Variants in SUN2 observed in about 807,000 individuals in gnomAD.
The protein encoded by SUN2 is SUN domain-containing protein 2.
Under a neutral mutation model 100.0 loss-of-function variants are expected in SUN2, and 60 were observed. The ratio of observed to expected loss-of-function variants is 0.60; its 90% CI spans 0.49 to 0.74. The LOEUF (loss-of-function observed/expected upper bound fraction) is 0.74. SUN2 is among the 30% of genes least tolerant of loss of function. The pLI, the probability that SUN2 is intolerant of heterozygous loss-of-function variation, is 0.00. For synonymous variants in SUN2, 367 were observed against 403.3 expected, an observed-to-expected ratio of 0.91 and a Z score of 1.08; for missense variants, 834 against 954.6, an observed-to-expected ratio of 0.87 and a Z score of 1.66.
intron 8 of SUN2, 141 bp downstream of exon 8, chr22:38,745,543 T>G: frequency 8.8e-7 from 1 of 1,130,252 alleles, no homozygotes; most frequent in Non-Finnish European, 1.3e-6. Context: ...CTTTCTGTTT[T>G]CTGTGCCTTG....
rs759274009 is a variant in SUN2, at chr22:38,742,498, C to G, written c.871G>C (p.Ala291Pro). The change falls in exon 9 of 18, where the codon GCT becomes CCT. Residue 291 changes from alanine to proline, a missense_variant. Ala to Pro is a conservative substitution (Grantham distance 27, BLOSUM62 -1). Around this residue, in one of 3 missense-constraint regions of SUN2, gnomAD observed 559 missense variants for 597.7 expected, o/e 0.94. Transcript: ENST00000689035. ...TGCCAGTTGGAGGAAAATTCAGCAG[C>G]AAGAGCTTCCAGACGCCGCTCCAGA... ...HSLERRLEAL[A>P]AEFSSNWQKE... 1.2e-6 allele frequency: 2 copies of G among 1,613,564 alleles called. No homozygotes were observed. The highest frequency in any genetic ancestry group is 1.3e-5 in the African/African-American group (1 of 75,064).
chr22:38,754,585 T>G (rs1246711474), intron 1 of SUN2: 3 of 1,084,382 alleles, frequency 2.8e-6, no homozygotes, highest in Non-Finnish European at 3.7e-6. Context: ...TCTCTATTCC[T>G]GTCCTTATAA....
intron 4 of SUN2, 113 bp from the exon 5 acceptor site, chr22:38,750,433 C>T (rs2064087): frequency 0.032 from 48,550 of 1,534,180 alleles, 952 homozygotes; most frequent in Middle Eastern, 0.068. Flanking sequence ...TCCCCACAGC[C>T]CCACACAGGC....
chr22:38,755,076 C>T lies in SUN2; in HGVS notation c.-38+687G>A. 9.8e-7 allele frequency: 1 copy of T among 1,024,062 alleles called. No homozygotes were observed. Among genetic ancestry groups the T allele is most frequent in the Non-Finnish European group, 1.3e-6 (1 of 783,840 alleles). The allele number at this position is 1,024,062 out of a possible 1,614,324, so 63.4% of individuals were successfully genotyped here. A position where few individuals can be genotyped will look rare whatever the true frequency, so the allele number is the denominator to read the frequency against. On this transcript the variant is annotated intron_variant, in intron 1 of 17. Coordinates refer to ENST00000689035, the MANE Select transcript of SUN2 (RefSeq NM_015374.3). This position sits in a 1 kb window ranked among gnomAD's most constrained non-coding sequence, Gnocchi z 5.7. ...TCGGAAAGCATCCTTCCCCACTTCT[C>T]AGCTGGGCGACTTCCTTTCTCAATT...
chr22:38,742,531 C>T lies in SUN2; in HGVS notation c.838G>A (p.Val280Ile). Reference sequence around the variant, plus strand: ...TCCAGACGCCGCTCCAGAGAGTGTACCCGGGACATAACACGCTGCTCAGCC... The same window carrying T: ...TCCAGACGCCGCTCCAGAGAGTGTATCCGGGACATAACACGCTGCTCAGCC... The part of the protein sequence containing the change: ...FQAEQRVMSR[V>I]HSLERRLEAL... Residue 280 changes from valine to isoleucine, a missense_variant, in exon 9 of 18, where the codon GTA (valine) becomes ATA (isoleucine). Coordinates refer to ENST00000689035, the MANE Select transcript of SUN2 (RefSeq NM_015374.3). The T allele has an allele frequency of 6.2e-7, 1 of 1,612,730 alleles. No homozygotes were observed. The highest frequency in any genetic ancestry group is 8.5e-7 in the Non-Finnish European group (1 of 1,179,918).
Position 38,752,478 on chromosome 22 carries a change from G to A in SUN2, c.122+29C>T, listed in dbSNP as rs2072798. 0.3 allele frequency: 472,264 copies of A among 1,586,252 alleles called. 72,005 individuals carry two copies. Among genetic ancestry groups the A allele is most frequent in the East Asian group, 0.48 (21,385 of 44,190 alleles). On this transcript the variant is annotated intron_variant, in intron 2 of 17. Transcript: ENST00000689035. ...TGACCAAAAGCTTGTGGGGCTGTCA[G>A]GGGCCGTGGCACTCCCTTGGGTCCC...
At position 38,739,343 on chromosome 22, in the gene SUN2, T is replaced by A; in HGVS notation, c.1662A>T (p.Gly554=). 3 of 1,613,000 alleles carry A rather than the reference T, an allele frequency of 1.9e-6. No homozygotes were observed. Among genetic ancestry groups the A allele is most frequent in the Non-Finnish European group, 2.5e-6 (3 of 1,180,002 alleles). ...IGLADYALES[G]GASVISTRCS... is the part of the protein sequence containing the mutation. ...GAGCGAGGAAAGCAGAGCACGTACC[T>A]CCTGACTCCAGGGCGTAGTCTGCCA... is the stretch of plus-strand genomic sequence containing the variant. The change falls in exon 14 of 18, where the codon GGA becomes GGT. Residue 554 remains glycine (G), a splice_region_variant and synonymous_variant. Transcript: ENST00000689035. This position sits in a 1 kb window ranked among gnomAD's most constrained non-coding sequence, Gnocchi z 6.7.
At position 38,755,604 on chromosome 22, in the gene SUN2, C is replaced by T; in HGVS notation, c.-38+159G>A. On this transcript the variant is annotated intron_variant, in intron 1 of 17. Transcript: ENST00000689035. The surrounding 1 kb of genome is among the most constrained non-coding windows in gnomAD (Gnocchi z 5.7). ...GGGGGCCAGGAGGTGAGTCAGGGCGCGGGCCGCGGACCCGGGTGGAGGCTG... is the reference window on the plus strand; with the variant it reads ...GGGGGCCAGGAGGTGAGTCAGGGCGTGGGCCGCGGACCCGGGTGGAGGCTG... 1.1e-6 allele frequency: 1 copy of T among 941,116 alleles called. No homozygotes were observed. The highest frequency in any genetic ancestry group is 1.8e-5 in the African/African-American group (1 of 56,480). 58.3% of individuals were successfully genotyped at this position (941,116 alleles called of 1,614,324 possible). A position where few individuals can be genotyped will look rare whatever the true frequency, so the allele number is the denominator to read the frequency against.
intron 8 of SUN2, among the ~76,000 whole-genome samples, chr22:38,744,234 C>T (rs1360159946): frequency 7.9e-6 from 1 of 126,714 alleles, no homozygotes; most frequent in African/African-American, 3.1e-5. Flanking sequence ...AGCATTCCAG[C>T]ATGGGTGACT....
At chr22:38,741,354 A>T in intron 10 of SUN2, 140 bp downstream of exon 10, 1 of 883,294 alleles carries the variant, frequency 1.1e-6, no homozygotes, top group Non-Finnish European at 1.8e-6. Flanking sequence ...CGGGGGTCAA[A>T]CAGAGAAGTC....
chr22:38,755,369 G>A lies in SUN2; in HGVS notation c.-38+394C>T, dbSNP rs1345850223. On this transcript the variant is annotated intron_variant, in intron 1 of 17. Transcript: ENST00000689035. This position sits in a 1 kb window ranked among gnomAD's most constrained non-coding sequence, Gnocchi z 5.7. ...GTTTTGTTTTAGAACTGAACAAAAC[G>A]GGCCTTCCTCTGAGGCCCTGAGTTC... 2.0e-6 allele frequency: 2 copies of A among 1,021,978 alleles called. No individual in the cohort carries two copies. The highest frequency in any genetic ancestry group is 9.0e-5 in the East Asian group (1 of 11,106). The allele number at this position is 1,021,978 out of a possible 1,614,324, so 63.3% of individuals were successfully genotyped here.
intron 7 of SUN2, 124 bp downstream of exon 7, chr22:38,748,589 C>T (rs2092921264): frequency 9.0e-7 from 1 of 1,111,240 alleles, no homozygotes; most frequent in Non-Finnish European, 1.4e-6. Flanking sequence ...GGGTCCAGGG[C>T]TCAGGCCCTG....
At position 38,738,178 on chromosome 22, in the gene SUN2, A is replaced by G. The variant is rs773688592; in HGVS notation, c.2035T>C (p.Phe679Leu). Residue 679 changes from phenylalanine (F) to leucine (L), a missense_variant, in exon 17 of 18, where the codon TTT (phenylalanine) becomes CTT (leucine). By Grantham distance (22) the Phe-to-Leu change is conservative. Coordinates refer to ENST00000689035, the MANE Select transcript of SUN2 (RefSeq NM_015374.3). This position sits in a 1 kb window ranked among gnomAD's most constrained non-coding sequence, Gnocchi z 6.6. ...QDGEPIQTFH[F>L]QAPTMATYQV... ...AGCACAGCAGCATCCCGTACCTGAA[A>G]GTGAAACGTCTGAATAGGCTCGCCG... 6.2e-7 allele frequency: 1 copy of G among 1,613,876 alleles called. No homozygotes were observed. The highest frequency in any genetic ancestry group is 2.2e-5 in the East Asian group (1 of 44,896).
chr22:38,738,025 C>G lies in SUN2; in HGVS notation c.2040+148G>C, dbSNP rs1171465836. On this transcript the variant is annotated intron_variant, in intron 17 of 17. Coordinates refer to ENST00000689035, the MANE Select transcript of SUN2 (RefSeq NM_015374.3). The surrounding 1 kb of genome is among the most constrained non-coding windows in gnomAD (Gnocchi z 6.6). ...CGTCTGCAGGATGCGTGTTACACCC[C>G]ATTTGGATATCACATCTTGAGCTGT... 3 of 767,156 alleles carry G rather than the reference C, an allele frequency of 3.9e-6. No individual in the cohort carries two copies. The highest frequency in any genetic ancestry group is 7.0e-6 in the Non-Finnish European group (3 of 426,484). 47.5% of individuals were successfully genotyped at this position (767,156 alleles called of 1,614,324 possible). A position where few individuals can be genotyped will look rare whatever the true frequency, so the allele number is the denominator to read the frequency against.
chr22:38,741,656 C>G, intron 9 of SUN2, 85 bp from the exon 10 acceptor site: 1 of 1,297,552 alleles, frequency 7.7e-7, no homozygotes, highest in Non-Finnish European at 1.1e-6. Flanking sequence ...AACTGGAATT[C>G]AAACAAGGTC....
In SUN2 at chr22:38,738,808, A is replaced by G; in HGVS notation, c.1780-54T>C. 1 of 1,599,670 alleles carries G rather than the reference A, an allele frequency of 6.3e-7. No individual in the cohort carries two copies. The highest frequency in any genetic ancestry group is 2.2e-5 in the East Asian group (1 of 44,606). ...AGGGCCCTGAGTCCAGCTCTTGCTG[A>G]CCCCAGATGGGACCAGCCCTCAGTG... On this transcript the variant is annotated intron_variant, in intron 15 of 17. Coordinates refer to ENST00000689035, the MANE Select transcript of SUN2 (RefSeq NM_015374.3). The surrounding 1 kb of genome is among the most constrained non-coding windows in gnomAD (Gnocchi z 6.6).
chr22:38,747,331 CAAA>C (rs371350765), intron 7 of SUN2, among the ~76,000 whole-genome samples: 8 of 99,332 alleles, frequency 8.1e-5, no homozygotes, highest in Admixed American at 2.4e-4. Context: ...AACTCCGTCT[CAAA>C]AAAAAAAAAA....
At position 38,739,800 on chromosome 22, in the gene SUN2, C is replaced by A; in HGVS notation, c.1500G>T (p.Gln500His). The A allele has an allele frequency of 6.2e-7, 1 of 1,613,676 alleles. No homozygotes were observed. The highest frequency in any genetic ancestry group is 8.5e-7 in the Non-Finnish European group (1 of 1,180,040). ...CCGCGGCTTCCCTGGCCGACTTGCC[C>A]TGCATCTCTGCCACATGGGTGAGGA... is the stretch of plus-strand genomic sequence containing the variant. ...SKILTHVAEM[Q>H]GKSAREAAAS... The change falls in exon 13 of 18, where the codon CAG becomes CAT. Residue 500 changes from glutamine (Q) to histidine (H), a missense_variant. By Grantham distance (24) the Gln-to-His change is conservative. This residue lies in a region of SUN2 where 195 missense variants were observed against 280.2 expected (regional missense o/e 0.70). Transcript: ENST00000689035. This position sits in a 1 kb window ranked among gnomAD's most constrained non-coding sequence, Gnocchi z 6.7.
At chr22:38,746,460 G>T (rs2092904211) in intron 7 of SUN2, among the ~76,000 whole-genome samples, 4 of 152,156 alleles carry the variant, frequency 2.6e-5, no homozygotes, top group Admixed American at 2.6e-4. Flanking sequence ...GGGAGGGAGG[G>T]CTTTCTGTCC....
Sources: allele counts gnomAD v4.1 joint callset (sites outside exome capture counted in the v4.1 genomes callset), GRCh38; gene constraint gnomAD v4.1.1; regional missense constraint gnomAD v4.1.1; non-coding constraint Gnocchi (gnomAD v3.1); transcripts MANE v1.5; gene names NCBI Gene and HGNC (gene_info 2026-07-23, HGNC 2026-07-21).